SLC22A12: variants seen among roughly 807,000 people sequenced by gnomAD.
SLC22A12 encodes organic anion transporter 4-like protein.
In SLC22A12, 56 loss-of-function variants were observed where a neutral mutation model predicts 52.7. That is an observed-to-expected ratio of 1.06 (90% confidence interval 0.86 to 1.33). SLC22A12 has a LOEUF of 1.33. SLC22A12 is among the 40% of genes most tolerant of loss of function. The probability of loss-of-function intolerance (pLI) is 0.00; values close to 1 mark genes in which losing one functional copy is unlikely to be tolerated. For missense variants in SLC22A12, 683 were observed against 741.5 expected (o/e 0.92, Z 0.92); for synonymous variants, 337 against 324.6 (o/e 1.04, Z -0.41).
chr11:64,592,892 C>A lies in SLC22A12; in HGVS notation c.506+10C>A. The A allele has an allele frequency of 6.2e-7, 1 of 1,611,262 alleles. No homozygotes were observed. The highest frequency in any genetic ancestry group is 8.5e-7 in the Non-Finnish European group (1 of 1,178,370). The stretch of plus-strand genomic sequence containing the variant: ...GCCCTGCCTCAGACAGGTGAGTACC[C>A]CCAGTCCAGGCAGGTCCCAGTTCCC... On this transcript the variant is annotated intron_variant, in intron 2 of 9. Transcript: ENST00000377574.
In SLC22A12 at chr11:64,598,857, C is replaced by A. The variant is rs1413110001; in HGVS notation, c.1004C>A (p.Ala335Asp). 2.5e-6 allele frequency: 4 copies of A among 1,612,726 alleles called. No homozygotes were observed. The highest frequency in any genetic ancestry group is 3.4e-6 in the Non-Finnish European group (4 of 1,179,990). The change falls in exon 6 of 10, where the codon GCC becomes GAC. Residue 335 changes from alanine (A) to aspartate (D), a missense_variant. Ala to Asp is a moderately radical substitution (Grantham distance 126, BLOSUM62 -2). Coordinates refer to ENST00000377574, the MANE Select transcript of SLC22A12 (RefSeq NM_144585.4). ...REELSMGQPP[A>D]SLGTLLRMPG... is the part of the protein sequence containing the mutation. ...GAGCTGAGCATGGGCCAGCCTCCTG[C>A]CAGCCTGGGCACCCTGCTCCGCATG...
rs764957656 is a variant in SLC22A12, at chr11:64,591,907, G to T, written c.351G>T (p.Val117=). The T allele has an allele frequency of 4.3e-6, 7 of 1,612,594 alleles. No homozygotes were observed. In the South Asian group the frequency reaches 7.7e-5, roughly 18 times the overall value. The stretch of plus-strand genomic sequence containing the variant: ...GCGAGGCCGACACGGAGCCGTGTGT[G>T]GATGGCTGGGTCTATGACCGCAGCA... The part of the protein sequence containing the change: ...SWSEADTEPC[V]DGWVYDRSIF... Residue 117 remains valine (V), a synonymous_variant, in exon 1 of 10, where the codon GTG becomes GTT. Transcript: ENST00000377574.
At chr11:64,598,178 G>A (rs2039314715) in intron 4 of SLC22A12, among the ~76,000 whole-genome samples, 1 of 152,218 alleles carries the variant, frequency 6.6e-6, no homozygotes, top group East Asian at 1.9e-4. Context: ...CTGCAACCAG[G>A]CCGGGTTCCT....
Position 64,591,332 on chromosome 11 carries a change from C to A in SLC22A12, c.-225C>A. On this transcript the variant is annotated 5_prime_UTR_variant, in exon 1 of 10. Coordinates refer to ENST00000377574, the MANE Select transcript of SLC22A12 (RefSeq NM_144585.4). ...GAGATGCTGGAGGTCTCGGAATCAC[C>A]TCACGCGGCCTCAGGGCCCAGTTGG... 1 of 603,054 alleles carries A rather than the reference C, an allele frequency of 1.7e-6. No individual in the cohort carries two copies. The highest frequency in any genetic ancestry group is 2.9e-6 in the Non-Finnish European group (1 of 344,846). The allele number at this position is 603,054 out of a possible 1,614,324, so 37.4% of individuals were successfully genotyped here.
chr11:64,597,503 C>A (rs886812471), intron 4 of SLC22A12, among the ~76,000 whole-genome samples: 6 of 152,164 alleles, frequency 3.9e-5, no homozygotes, highest in African/African-American at 1.4e-4. Flanking sequence ...TCACAGTGGC[C>A]ATGACGCCTC....
chr11:64,600,411 G>A lies in SLC22A12; in HGVS notation c.1330G>A (p.Gly444Arg), dbSNP rs774595470. The change falls in exon 8 of 10, where the codon GGG becomes AGG. Residue 444 changes from glycine (G) to arginine (R), a missense_variant. Transcript: ENST00000377574. ...AGCCTTGGCCGTGCTGGGGCTGGGC[G>A]GGGTGGGGGCTGCCTTCACCTGCAT... ...RSALAVLGLG[G>R]VGAAFTCITI... 5.6e-5 allele frequency: 90 copies of A among 1,607,768 alleles called. No homozygotes were observed. Among genetic ancestry groups the A allele is most frequent in the Middle Eastern group, 1.6e-4 (1 of 6,066 alleles).
rs1565134068 is a variant in SLC22A12 at position 64,593,409 on chromosome 11, G to T, written c.511G>T (p.Gly171Trp). Residue 171 changes from glycine to tryptophan, a missense_variant, in exon 3 of 10, where the codon GGG becomes TGG. By Grantham distance (184) the Gly-to-Trp change is radical. Coordinates refer to ENST00000377574, the MANE Select transcript of SLC22A12 (RefSeq NM_144585.4). The stretch of plus-strand genomic sequence containing the variant: ...TCTTCCTGGTTTGTGCCGCAGGTTT[G>T]GGCGCAGGCTGGTGCTAACCTGGAG... ...AACGPASDRF[G>W]RRLVLTWSYL... 2 of 1,614,132 alleles carry T rather than the reference G, an allele frequency of 1.2e-6. No individual in the cohort carries two copies. The highest frequency in any genetic ancestry group is 1.7e-6 in the Non-Finnish European group (2 of 1,180,054).
In SLC22A12 at chr11:64,601,786, T is replaced by C. The variant is rs1460751310; in HGVS notation, c.*235T>C. 1.9e-6 allele frequency: 1 copy of C among 520,022 alleles called. No homozygotes were observed. Among genetic ancestry groups the C allele is most frequent in the African/African-American group, 2.0e-5 (1 of 50,100 alleles). 32.2% of individuals were successfully genotyped at this position (520,022 alleles called of 1,614,324 possible). A position where few individuals can be genotyped will look rare whatever the true frequency, so the allele number is the denominator to read the frequency against. On this transcript the variant is annotated 3_prime_UTR_variant, in exon 10 of 10. Coordinates refer to ENST00000377574, the MANE Select transcript of SLC22A12 (RefSeq NM_144585.4). ...GTTTGATTGGCAGGAGGTGACCCAG[T>C]GCACCATCACCCTGCCCTGCCCTCG...
At chr11:64,595,493 AATGG>A (rs1445272437) in intron 4 of SLC22A12, among the ~76,000 whole-genome samples, 1 of 107,834 alleles carries the variant, frequency 9.3e-6, no homozygotes, top group Non-Finnish European at 1.8e-5. Context: ...GGATGGATGG[AATGG>A]ATGGATGGAT....
chr11:64,593,855 A>T (rs1004915044), intron 4 of SLC22A12, 52 bp downstream of exon 4: 1 of 1,578,368 alleles, frequency 6.3e-7, no homozygotes, highest in Admixed American at 1.8e-5. Context: ...CCCACTCTCC[A>T]CCCGGGGGAA....
At chr11:64,596,923 T>C (rs56265379) in intron 4 of SLC22A12, among the ~76,000 whole-genome samples, 29,409 of 152,134 alleles carry the variant, frequency 0.19, 5,831 homozygotes, top group African/African-American at 0.5. Flanking sequence ...GCCCATTCAT[T>C]CATTCATTAC....
chr11:64,596,245 GGAATGGAT>G (rs2039217098), intron 4 of SLC22A12, among the ~76,000 whole-genome samples: 1 of 62,508 alleles, frequency 1.6e-5, no homozygotes, highest in Non-Finnish European at 4.0e-5. Flanking sequence ...ATGGATGGAT[GGAATGGAT>G]GGATGGATGG....
Position 64,591,978 on chromosome 11 carries a change from C to A in SLC22A12, c.402+20C>A, listed in dbSNP as rs997521947. ...GCCAAGGTAGGGCCTCCCCCAGAGC[C>A]ACTCGAGTCCCACCACCTTGGAGGT... On this transcript the variant is annotated intron_variant, in intron 1 of 9. Transcript: ENST00000377574. 1 of 1,607,118 alleles carries A rather than the reference C, an allele frequency of 6.2e-7. No homozygotes were observed. The highest frequency in any genetic ancestry group is 1.3e-5 in the African/African-American group (1 of 75,024).
chr11:64,601,440 G>A (rs760208433), intron 9 of SLC22A12, 48 bp from the exon 10 acceptor site: 1 of 1,592,608 alleles, frequency 6.3e-7, no homozygotes, highest in East Asian at 2.3e-5. Context: ...TCAAGGGTCA[G>A]GGGCCACTCC....
Position 64,598,515 on chromosome 11 carries a change from G to A in SLC22A12, c.831-1G>A. 6.3e-7 allele frequency: 1 copy of A among 1,576,334 alleles called. No individual in the cohort carries two copies. Among genetic ancestry groups the A allele is most frequent in the Non-Finnish European group, 8.6e-7 (1 of 1,162,184 alleles). On this transcript the variant is annotated splice_acceptor_variant, in intron 4 of 9. Transcript: ENST00000377574. LOFTEE classifies it high-confidence loss of function. Reference sequence around the variant, plus strand: ...CCCCTCCCACGCCCCCTCCACTTAAGGTGGCTGGCAGAGTCGGCACGATGG... The same window carrying A: ...CCCCTCCCACGCCCCCTCCACTTAAAGTGGCTGGCAGAGTCGGCACGATGG...
At chr11:64,592,069 C>T in intron 1 of SLC22A12, 111 bp downstream of exon 1, 1 of 1,487,358 alleles carries the variant, frequency 6.7e-7, no homozygotes, top group Non-Finnish European at 9.0e-7. Flanking sequence ...CTCCCCAGGC[C>T]CCACTCACTC....
intron 4 of SLC22A12, among the ~76,000 whole-genome samples, chr11:64,594,682 C>CGGAT (rs200147816): frequency 0.26 from 35,010 of 134,826 alleles, 4,733 homozygotes; most frequent in Admixed American, 0.38. Flanking sequence ...GATGGATGGA[C>CGGAT]GGATGGATGG....
At chr11:64,599,438 C>T (rs2039368514) in intron 6 of SLC22A12, among the ~76,000 whole-genome samples, 1 of 152,178 alleles carries the variant, frequency 6.6e-6, no homozygotes, top group South Asian at 2.1e-4. Flanking sequence ...CCTCCTCCAA[C>T]CTCTTGCCAG....
At chr11:64,594,179 G>C (rs953200657) in intron 4 of SLC22A12, among the ~76,000 whole-genome samples, 2 of 152,230 alleles carry the variant, frequency 1.3e-5, no homozygotes, top group Non-Finnish European at 2.9e-5. Flanking sequence ...GCAGCACTGA[G>C]CTAGGCTAGG....
Sources: gnomAD v4.1 joint callset for allele counts (sites outside exome capture counted in the v4.1 genomes callset) on GRCh38, gnomAD v4.1.1 for gene constraint, MANE v1.5 for transcripts, NCBI Gene and HGNC (gene_info 2026-07-23, HGNC 2026-07-21) for gene names.